The following ARFIP1 variants were observed in gnomAD, a reference collection of about 807,000 sequenced individuals.
ARFIP1 encodes arfaptin-1.
ARFIP1 carries 24 observed loss-of-function variants against 42.5 expected under a neutral mutation model. The observed-to-expected ratio is 0.57, with a 90% CI of 0.41 to 0.80. The LOEUF is 0.80. Among genes scored for constraint, ARFIP1 ranks in the 30% least tolerant of loss-of-function variants. The pLI, the probability that ARFIP1 is intolerant of heterozygous loss-of-function variation, is 0.00. For missense variants in ARFIP1, 354 were observed against 434.0 expected, an observed-to-expected ratio of 0.82 and a Z score of 1.64; for synonymous variants, 141 against 153.7, an observed-to-expected ratio of 0.92 and a Z score of 0.61.
At chr4:152,809,308 C>T (rs62319867) in intron 1 of ARFIP1, among the ~76,000 whole-genome samples, 6,588 of 152,174 alleles carry the variant, frequency 0.043, 179 homozygotes, top group South Asian at 0.11. Flanking sequence ...GATGTGTATT[C>T]ATAGCAGCTT....
intron 1 of ARFIP1, among the ~76,000 whole-genome samples, chr4:152,806,556 C>A (rs560760930): frequency 6.5e-4 from 99 of 152,248 alleles, no homozygotes; most frequent in African/African-American, 2.2e-3. Context: ...TAAGTGTACT[C>A]ATTTAAAATG....
intron 5 of ARFIP1, among the ~76,000 whole-genome samples, chr4:152,873,676 C>T (rs944458713): frequency 1.3e-5 from 2 of 152,168 alleles, no homozygotes; most frequent in South Asian, 2.1e-4. Flanking sequence ...ACCTTTTCCC[C>T]GTTCTCCTCC....
At chr4:152,885,289 G>A (rs558997297) in intron 7 of ARFIP1, among the ~76,000 whole-genome samples, 8 of 152,130 alleles carry the variant, frequency 5.3e-5, no homozygotes, top group Middle Eastern at 3.4e-3. Flanking sequence ...GCAAATGCCC[G>A]AGTGGCCTTT....
In ARFIP1 at chr4:152,795,340, A is replaced by G. The variant is rs73865245; in HGVS notation, c.-10+15114A>G. 4.3e-3 allele frequency among the ~76,000 whole-genome samples: 652 copies of G among 151,798 alleles called. 4 individuals are homozygous for G. The highest frequency in any genetic ancestry group is 0.015 in the African/African-American group (610 of 41,390). ...CTGGAAATCACTTCATATTATAGAG[A>G]TTTTCCTCATTCTTTATTTCCCCCC... On this transcript the variant is annotated intron_variant, in intron 1 of 8. Transcript: ENST00000353617.
intron 2 of ARFIP1, among the ~76,000 whole-genome samples, chr4:152,832,958 G>T (rs960352520): frequency 6.6e-6 from 1 of 152,098 alleles, no homozygotes; most frequent in African/African-American, 2.4e-5. Context: ...AGAAAACATA[G>T]GGGAGAAGCT....
chr4:152,836,215 A>G (rs147196559), intron 2 of ARFIP1, among the ~76,000 whole-genome samples: 104 of 152,350 alleles, frequency 6.8e-4, no homozygotes, highest in African/African-American at 2.4e-3. Context: ...CATGCTAACT[A>G]TAGTTTATTG....
chr4:152,833,137 A>G (rs1439699418), intron 2 of ARFIP1, among the ~76,000 whole-genome samples: 1 of 152,158 alleles, frequency 6.6e-6, no homozygotes, highest in Non-Finnish European at 1.5e-5. Context: ...TTTGTAAACC[A>G]TATATCTGAT....
chr4:152,789,715 A>G (rs1731038591), intron 1 of ARFIP1, among the ~76,000 whole-genome samples: 2 of 152,214 alleles, frequency 1.3e-5, no homozygotes, highest in South Asian at 4.1e-4. Flanking sequence ...TAAATCCAGT[A>G]GTACTTTATT....
intron 2 of ARFIP1, among the ~76,000 whole-genome samples, chr4:152,855,317 C>T (rs1733337430): frequency 6.6e-6 from 1 of 152,072 alleles, no homozygotes; most frequent in African/African-American, 2.4e-5. Flanking sequence ...GGCATGTCCT[C>T]AGGCCCCCCA....
intron 8 of ARFIP1, among the ~76,000 whole-genome samples, chr4:152,899,361 T>C (rs1174528491): frequency 6.6e-6 from 1 of 152,178 alleles, no homozygotes; most frequent in African/African-American, 2.4e-5. Flanking sequence ...TACCCCTAAC[T>C]GTAACTATGG....
chr4:152,862,125 C>G (rs538701736), intron 2 of ARFIP1, among the ~76,000 whole-genome samples: 1 of 152,244 alleles, frequency 6.6e-6, no homozygotes, highest in East Asian at 1.9e-4. Flanking sequence ...GCCATGGTAG[C>G]CTAGTTGCTG....
intron 2 of ARFIP1, among the ~76,000 whole-genome samples, chr4:152,841,073 G>T (rs1476398338): frequency 6.7e-6 from 1 of 148,312 alleles, no homozygotes; most frequent in African/African-American, 2.5e-5. Flanking sequence ...GCCTCGCTCT[G>T]TTGCCAGGCT....
intron 8 of ARFIP1, among the ~76,000 whole-genome samples, chr4:152,898,054 G>A (rs1737498998): frequency 6.7e-6 from 1 of 149,356 alleles, no homozygotes; most frequent in Non-Finnish European, 1.5e-5. Context: ...CGCAATCTCG[G>A]CTCACTGCAA....
At chr4:152,886,606 T>G (rs1736283346) in intron 7 of ARFIP1, among the ~76,000 whole-genome samples, 1 of 152,032 alleles carries the variant, frequency 6.6e-6, no homozygotes, top group Non-Finnish European at 1.5e-5. Context: ...AGATACCTTT[T>G]CAGATATCTA....
chr4:152,796,590 C>T lies in ARFIP1; in HGVS notation c.-10+16364C>T, dbSNP rs1476507769. 55 of 853,302 alleles carry T rather than the reference C, an allele frequency of 6.4e-5. No individual in the cohort carries two copies. The Admixed American group carries it at 8.4e-4, about 13-fold the overall frequency. The allele number at this position is 853,302 out of a possible 1,614,324, so 52.9% of individuals were successfully genotyped here. Reference sequence around the variant, plus strand: ...CCTGCTGATAGGCAGGTACTGCTCCCTGTGGAATCTTTTCATCATTCTTTT... The same window carrying T: ...CCTGCTGATAGGCAGGTACTGCTCCTTGTGGAATCTTTTCATCATTCTTTT... On this transcript the variant is annotated intron_variant, in intron 1 of 8. Transcript: ENST00000353617.
chr4:152,790,180 T>G (rs1282621373), intron 1 of ARFIP1, among the ~76,000 whole-genome samples: 1 of 152,192 alleles, frequency 6.6e-6, no homozygotes, highest in Non-Finnish European at 1.5e-5. Flanking sequence ...ATTAAAAAAA[T>G]TACCTGTGAA....
intron 2 of ARFIP1, among the ~76,000 whole-genome samples, chr4:152,834,174 A>G (rs1484547991): frequency 6.6e-6 from 1 of 152,158 alleles, no homozygotes; most frequent in African/African-American, 2.4e-5. Flanking sequence ...GTGTTAAACC[A>G]TTCATGAGGA....
At chr4:152,904,364 C>T (rs1034882205) in intron 8 of ARFIP1, among the ~76,000 whole-genome samples, 1 of 151,376 alleles carries the variant, frequency 6.6e-6, no homozygotes, top group Non-Finnish European at 1.5e-5. Flanking sequence ...GCTCATTTTT[C>T]GTATTTTTAG....
intron 7 of ARFIP1, among the ~76,000 whole-genome samples, chr4:152,886,610 A>G (rs748697917): frequency 6.6e-6 from 1 of 152,008 alleles, no homozygotes; most frequent in Non-Finnish European, 1.5e-5. Flanking sequence ...ACCTTTTCAG[A>G]TATCTAATTA....
Sources: gnomAD v4.1 joint callset for allele counts (sites outside exome capture counted in the v4.1 genomes callset) on GRCh38, gnomAD v4.1.1 for gene constraint, MANE v1.5 for transcripts, NCBI Gene and HGNC (gene_info 2026-07-23, HGNC 2026-07-21) for gene names.